Variants in ATM observed in about 807,000 individuals in gnomAD.
ATM encodes the protein serine-protein kinase ATM.
A neutral mutation model predicts 387.0 loss-of-function variants in ATM; 308 were observed. The ratio of observed to expected loss-of-function variants is 0.80; its 90% CI spans 0.73 to 0.87. The LOEUF is 0.87. ATM is among the 40% of genes least tolerant of loss of function. ATM has a pLI of 0.00. For missense variants in ATM, 3,312 were observed against 3,560.9 expected (o/e 0.93, Z 1.78); for synonymous variants, 1,156 against 1,187.3 (o/e 0.97, Z 0.54).
intron 35 of ATM, among the ~76,000 whole-genome samples, chr11:108,302,213 C>G (rs139023229): frequency 1.9e-3 from 290 of 152,172 alleles, no homozygotes; most frequent in Non-Finnish European, 3.3e-3. Context: ...CTCCCTTTTT[C>G]CATGTTGATA....
chr11:108,260,177 G>C (rs1301790484), intron 16 of ATM, among the ~76,000 whole-genome samples: 1 of 151,882 alleles, frequency 6.6e-6, no homozygotes, highest in African/African-American at 2.4e-5. Context: ...TGGGATTACA[G>C]ATGTGTGCCA....
chr11:108,357,364 G>A, intron 61 of ATM, among the ~76,000 whole-genome samples: 1 of 152,248 alleles, frequency 6.6e-6, no homozygotes, highest in East Asian at 1.9e-4. Flanking sequence ...AGCGAGGCTG[G>A]GGGAGGGGCG....
At chr11:108,297,212 T>A in intron 32 of ATM, 75 bp from the exon 33 acceptor site, 2 of 1,226,822 alleles carry the variant, frequency 1.6e-6, no homozygotes, top group South Asian at 2.6e-5. Context: ...TCAGATAATT[T>A]AATATATATG....
At chr11:108,296,824 A>G (rs2083147945) in intron 32 of ATM, 2 of 180,976 alleles carry the variant, frequency 1.1e-5, no homozygotes, top group Admixed American at 5.4e-5. Context: ...CTGAACACAT[A>G]TCAAGTTCTC....
At chr11:108,283,185 G>T (rs998747143) in intron 25 of ATM, among the ~76,000 whole-genome samples, 2 of 152,130 alleles carry the variant, frequency 1.3e-5, no homozygotes, top group Non-Finnish European at 2.9e-5. Context: ...AGATCTTTCA[G>T]GTCCTTTTCA....
chr11:108,331,823 A>G, intron 51 of ATM, 56 bp from the exon 52 acceptor site: 1 of 1,580,050 alleles, frequency 6.3e-7, no homozygotes, highest in South Asian at 1.1e-5. Context: ...AAAATGAAAA[A>G]TATGGATTAT....
At chr11:108,237,546 T>A (rs1275141833) in intron 5 of ATM, among the ~76,000 whole-genome samples, 1 of 152,224 alleles carries the variant, frequency 6.6e-6, no homozygotes, top group African/African-American at 2.4e-5. Context: ...AATTAGCTTT[T>A]TTGTCAAAGT....
rs1591142727 is a variant in ATM, at chr11:108,327,729, G to A, written c.7060G>A (p.Ala2354Thr). The A allele has an allele frequency of 6.2e-7, 1 of 1,613,964 alleles. No homozygotes were observed. Among genetic ancestry groups the A allele is most frequent in the Non-Finnish European group, 8.5e-7 (1 of 1,179,932 alleles). ...WLAETCLENP[A>T]VIMQTYLEKA... Reference sequence around the variant, plus strand: ...AGCAGAAACGTGCTTAGAAAATCCTGCGGTCATCATGCAGACCTATCTAGA... The same window carrying A: ...AGCAGAAACGTGCTTAGAAAATCCTACGGTCATCATGCAGACCTATCTAGA... Residue 2354 changes from alanine (A) to threonine (T), a missense_variant, in exon 48 of 63, where the codon GCG (alanine) becomes ACG (threonine). By Grantham distance (58) the Ala-to-Thr change is moderately conservative (BLOSUM62 0). This residue lies in a region of ATM where 1,405 missense variants were observed against 1,604.4 expected (regional missense o/e 0.88). Coordinates refer to ENST00000675843, the MANE Select transcript of ATM (RefSeq NM_000051.4).
chr11:108,235,476 G>C (rs2079221492), intron 4 of ATM, among the ~76,000 whole-genome samples, 194 bp from the exon 5 acceptor site: 1 of 151,704 alleles, frequency 6.6e-6, no homozygotes, highest in South Asian at 2.1e-4. Flanking sequence ...TTGTGACTAT[G>C]TTCCAATAAA....
At chr11:108,308,347 GTAAA>G (rs1164835937) in intron 38 of ATM, among the ~76,000 whole-genome samples, 3 of 152,084 alleles carry the variant, frequency 2.0e-5, no homozygotes, top group Non-Finnish European at 2.9e-5. Flanking sequence ...GTTCTAAGAA[GTAAA>G]TAGAGTTGTG....
chr11:108,342,738 A>C (rs1309363524), intron 56 of ATM, among the ~76,000 whole-genome samples: 1 of 152,190 alleles, frequency 6.6e-6, no homozygotes, highest in East Asian at 1.9e-4. Context: ...TATATTTAGG[A>C]GTACATTTTC....
At chr11:108,355,121 T>C (rs2089739182) in intron 61 of ATM, 8 of 507,806 alleles carry the variant, frequency 1.6e-5, no homozygotes, top group Non-Finnish European at 2.8e-5. Context: ...TAGTTTTCAA[T>C]TCATAAATCA....
chr11:108,343,243 AGT>A lies in ATM; in HGVS notation c.8292_8293del (p.Ser2764ArgfsTer4), dbSNP rs879254036. 3 of 1,613,880 alleles carry A rather than the reference AGT, an allele frequency of 1.9e-6. No homozygotes were observed. Among genetic ancestry groups the A allele is most frequent in the Non-Finnish European group, 2.5e-6 (3 of 1,179,934 alleles). On this transcript the variant is annotated frameshift_variant, in exon 57 of 63. Transcript: ENST00000675843. LOFTEE classifies it high-confidence loss of function. ...TYKVVPLSQR[S>X]GVLEWCTGTV... ...CCAGGTGGTTCCCCTCTCTCAGCGA[AGT>A]GGTGTTCTTGAATGGTGCACAGGAA...
At chr11:108,334,489 T>C (rs564080580) in intron 54 of ATM, among the ~76,000 whole-genome samples, 1 of 152,328 alleles carries the variant, frequency 6.6e-6, no homozygotes, top group East Asian at 1.9e-4. Flanking sequence ...CAGGGATATA[T>C]GTAATAAGGG....
intron 20 of ATM, 136 bp from the exon 21 acceptor site, chr11:108,272,396 G>T: frequency 1.3e-6 from 1 of 751,918 alleles, no homozygotes; most frequent in Non-Finnish European, 2.3e-6. Flanking sequence ...GAGTATGTTG[G>T]CATATTCCAC....
chr11:108,280,702 A>C (rs886133302), intron 23 of ATM, among the ~76,000 whole-genome samples: 8 of 152,204 alleles, frequency 5.3e-5, no homozygotes, highest in Admixed American at 3.9e-4. Context: ...TTCTGAGTAA[A>C]GTAAAAGATT....
At position 108,334,994 on chromosome 11, in the gene ATM, A is replaced by G; in HGVS notation, c.8036A>G (p.Asn2679Ser). Reference sequence around the variant, plus strand: ...GTGGACCACACAGGAGAATATGGAAATCTGGTGACTATACAGTCATTTAAA... The same window carrying G: ...GTGGACCACACAGGAGAATATGGAAGTCTGGTGACTATACAGTCATTTAAA... Reference protein sequence around the residue: ...IKVDHTGEYGNLVTIQSFKAE... With the variant: ...IKVDHTGEYGSLVTIQSFKAE... The change falls in exon 55 of 63, where the codon AAT (asparagine) becomes AGT (serine). Residue 2679 changes from asparagine (N) to serine (S), a missense_variant. Transcript: ENST00000675843. 6.2e-7 allele frequency: 1 copy of G among 1,613,550 alleles called. No individual in the cohort carries two copies. Among genetic ancestry groups the G allele is most frequent in the South Asian group, 1.1e-5 (1 of 91,068 alleles).
At chr11:108,340,938 GT>G (rs563151841) in intron 56 of ATM, among the ~76,000 whole-genome samples, 2 of 152,048 alleles carry the variant, frequency 1.3e-5, no homozygotes, top group African/African-American at 2.4e-5. Context: ...TTTTATTGAG[GT>G]TTTTTTGGTG....
intron 13 of ATM, among the ~76,000 whole-genome samples, chr11:108,255,449 GGA>G (rs2080415136): frequency 7.4e-6 from 1 of 134,480 alleles, no homozygotes. Flanking sequence ...TTTTTGAGAT[GGA>G]GTCTTGCTCT....
Sources: gnomAD v4.1 joint callset for allele counts (sites outside exome capture counted in the v4.1 genomes callset) on GRCh38, gnomAD v4.1.1 for gene constraint, gnomAD v4.1.1 regional missense constraint, MANE v1.5 for transcripts, NCBI Gene and HGNC (gene_info 2026-07-23, HGNC 2026-07-21) for gene names.